The following TMEM135 variants were observed in gnomAD, a reference collection of about 807,000 sequenced individuals.
TMEM135 encodes transmembrane protein 135, also known as peroxisomal membrane protein 52.
TMEM135 carries 30 observed loss-of-function variants against 60.3 expected under a neutral mutation model. The observed-to-expected ratio is 0.50, with a 90% CI of 0.37 to 0.68. The LOEUF is 0.68. TMEM135 is among the 30% of genes least tolerant of loss of function. The pLI, the probability that TMEM135 is intolerant of heterozygous loss-of-function variation, is 0.00. For synonymous variants in TMEM135, 190 were observed against 186.7 expected (o/e 1.02, Z -0.14); for missense variants, 468 against 548.8 (o/e 0.85, Z 1.47).
At chr11:87,054,833 C>T (rs1354528028) in intron 1 of TMEM135, among the ~76,000 whole-genome samples, 2 of 152,074 alleles carry the variant, frequency 1.3e-5, no homozygotes, top group Non-Finnish European at 2.9e-5. Flanking sequence ...AACTCTCAAG[C>T]ACAGGAGGCA....
At chr11:87,113,218 A>C (rs1209016217) in intron 4 of TMEM135, among the ~76,000 whole-genome samples, 1 of 152,092 alleles carries the variant, frequency 6.6e-6, no homozygotes, top group East Asian at 1.9e-4. Flanking sequence ...ATTTTTACTA[A>C]AAAGCTGCAG....
At chr11:87,097,038 C>T (rs942806755) in intron 4 of TMEM135, among the ~76,000 whole-genome samples, 1 of 151,656 alleles carries the variant, frequency 6.6e-6, no homozygotes, top group African/African-American at 2.4e-5. Flanking sequence ...GCTCTGTCAC[C>T]CAGGCTGGAG....
chr11:87,064,951 CTTTT>C (rs112869970), intron 1 of TMEM135, among the ~76,000 whole-genome samples: 2 of 149,568 alleles, frequency 1.3e-5, no homozygotes, highest in South Asian at 4.2e-4. Flanking sequence ...TTAGGATTAG[CTTTT>C]TTTTTTTCCC....
intron 4 of TMEM135, among the ~76,000 whole-genome samples, chr11:87,129,863 A>G (rs1159806783): frequency 1.3e-5 from 2 of 152,098 alleles, no homozygotes; most frequent in Non-Finnish European, 2.9e-5. Context: ...TGTTTTTGTC[A>G]TAAATACTAT....
intron 4 of TMEM135, among the ~76,000 whole-genome samples, chr11:87,116,582 A>T (rs184443730): frequency 7.0e-6 from 1 of 143,312 alleles, no homozygotes; most frequent in African/African-American, 2.6e-5. Flanking sequence ...AAATTGATTA[A>T]TATCTATTAA....
intron 5 of TMEM135, among the ~76,000 whole-genome samples, chr11:87,225,107 A>G (rs1051530160): frequency 6.6e-6 from 1 of 152,166 alleles, no homozygotes. Flanking sequence ...TCTACTATAC[A>G]TGAAAATAGT....
intron 8 of TMEM135, among the ~76,000 whole-genome samples, chr11:87,304,982 A>G (rs1942514637): frequency 6.6e-6 from 1 of 152,236 alleles, no homozygotes; most frequent in African/African-American, 2.4e-5. Flanking sequence ...TAGTCCTCCC[A>G]GCAGAAATAT....
intron 6 of TMEM135, among the ~76,000 whole-genome samples, chr11:87,290,035 G>T (rs1942238541): frequency 6.6e-6 from 1 of 151,948 alleles, no homozygotes; most frequent in Non-Finnish European, 1.5e-5. Flanking sequence ...TGTATAGTTT[G>T]TAAATATTTT....
At chr11:87,214,706 C>T (rs1171430614) in intron 5 of TMEM135, among the ~76,000 whole-genome samples, 1 of 152,056 alleles carries the variant, frequency 6.6e-6, no homozygotes, top group Non-Finnish European at 1.5e-5. Flanking sequence ...TACATCACTA[C>T]AGAATGTTAT....
chr11:87,297,719 A>G (rs1942370868), intron 7 of TMEM135, among the ~76,000 whole-genome samples: 1 of 152,258 alleles, frequency 6.6e-6, no homozygotes, highest in South Asian at 2.1e-4. Context: ...ATAGAAAAAT[A>G]TTCCAGAAAA....
chr11:87,163,628 G>T (rs1938953191), intron 5 of TMEM135, among the ~76,000 whole-genome samples: 1 of 151,914 alleles, frequency 6.6e-6, no homozygotes. Context: ...CTTCCACAAT[G>T]GTTGAACTAA....
intron 2 of TMEM135, among the ~76,000 whole-genome samples, chr11:87,068,300 C>G (rs1449785394): frequency 6.6e-6 from 1 of 152,138 alleles, no homozygotes; most frequent in African/African-American, 2.4e-5. Context: ...ATATATATTA[C>G]CTGTGCTACA....
At chr11:87,250,891 A>C (rs1374339673) in intron 6 of TMEM135, among the ~76,000 whole-genome samples, 1 of 152,216 alleles carries the variant, frequency 6.6e-6, no homozygotes, top group Non-Finnish European at 1.5e-5. Flanking sequence ...GGAGTATATC[A>C]CAGGTAATAG....
chr11:87,273,163 G>C (rs139078233), intron 6 of TMEM135, among the ~76,000 whole-genome samples: 3 of 152,106 alleles, frequency 2.0e-5, no homozygotes. Context: ...TAGAATGTAG[G>C]ATTTAGATTA....
rs1011066649 is a variant in TMEM135 at position 87,103,482 on chromosome 11, T to C, written c.396+12087T>C. On this transcript the variant is annotated intron_variant, in intron 4 of 14. Transcript: ENST00000305494. ...GTGTGTGTTAGCCATGTTTTTTTTG[T>C]TTTTTTTTTTTGTTTGTTTTTTTGT... 5.2e-5 allele frequency among the ~76,000 whole-genome samples: 4 copies of C among 77,106 alleles called. 1 individual carries two copies. The highest frequency in any genetic ancestry group is 2.7e-4 in the Admixed American group (2 of 7,454). 50.6% of individuals were successfully genotyped at this position (77,106 alleles called of 152,430 possible).
intron 5 of TMEM135, among the ~76,000 whole-genome samples, chr11:87,216,757 C>T (rs560674772): frequency 7.9e-5 from 12 of 152,200 alleles, no homozygotes; most frequent in African/African-American, 2.9e-4. Flanking sequence ...ATATATTTGC[C>T]TTAAGCCATT....
Position 87,327,628 on chromosome 11 carries a change from C to T in TMEM135, c.*6295C>T, listed in dbSNP as rs1443425923. 4 of 453,774 alleles carry T rather than the reference C, an allele frequency of 8.8e-6. No individual in the cohort carries two copies. Among genetic ancestry groups the T allele is most frequent in the South Asian group, 6.2e-5 (4 of 64,432 alleles). 28.1% of individuals were successfully genotyped at this position (453,774 alleles called of 1,614,324 possible). On this transcript the variant is annotated 3_prime_UTR_variant, in exon 15 of 15. Transcript: ENST00000305494. ...TGATTGTGGAGGCTGAGAAACCCCA[C>T]CACAGGCCATTCATAACCTGGAGAC...
At chr11:87,254,626 G>C (rs538012079) in intron 6 of TMEM135, among the ~76,000 whole-genome samples, 1 of 152,284 alleles carries the variant, frequency 6.6e-6, no homozygotes, top group Non-Finnish European at 1.5e-5. Context: ...TTGAAGTGCA[G>C]TGCCAATGCT....
chr11:87,161,803 A>G (rs573554906), intron 5 of TMEM135, among the ~76,000 whole-genome samples: 24 of 152,314 alleles, frequency 1.6e-4, no homozygotes, highest in African/African-American at 5.3e-4. Flanking sequence ...TAAAATTTTC[A>G]TATATTTGTG....
Sources: gnomAD v4.1 joint callset for allele counts (sites outside exome capture counted in the v4.1 genomes callset) on GRCh38, gnomAD v4.1.1 for gene constraint, MANE v1.5 for transcripts, NCBI Gene and HGNC (gene_info 2026-07-23, HGNC 2026-07-21) for gene names.